ADAMTS13: variants seen among roughly 807,000 people sequenced by gnomAD.
The protein encoded by ADAMTS13 is A disintegrin and metalloproteinase with thrombospondin motifs 13.
A neutral mutation model predicts 155.1 loss-of-function variants in ADAMTS13; 110 were observed. The ratio of observed to expected loss-of-function variants is 0.71; its 90% confidence interval spans 0.61 to 0.83. ADAMTS13 has a LOEUF of 0.83. Ranked by LOEUF, ADAMTS13 falls within the 40% of genes least tolerant of loss-of-function variation. The pLI, the probability that ADAMTS13 is intolerant of heterozygous loss-of-function variation, is 0.00. For missense variants in ADAMTS13, 1,707 were observed against 1,891.7 expected, an observed-to-expected ratio of 0.90 and a Z score of 1.81; for synonymous variants, 758 against 756.4, an observed-to-expected ratio of 1.00 and a Z score of -0.03.
At chr9:133,433,773 AT>A in intron 11 of ADAMTS13, 69 bp downstream of exon 11, 1 of 1,568,656 alleles carries the variant, frequency 6.4e-7, no homozygotes, top group Non-Finnish European at 8.7e-7. Flanking sequence ...CAAAGTGACC[AT>A]CTGTGGTTCA....
At chr9:133,444,592 C>T (rs1354025913) in intron 19 of ADAMTS13, among the ~76,000 whole-genome samples, 1 of 152,216 alleles carries the variant, frequency 6.6e-6, no homozygotes, top group Non-Finnish European at 1.5e-5. Context: ...CGTGCCTGGC[C>T]AGGGATAGGT....
At chr9:133,419,155 T>G (rs1839841595), upstream of ADAMTS13, among the ~76,000 whole-genome samples, 1 of 152,046 alleles carries the variant, frequency 6.6e-6, no homozygotes, top group Non-Finnish European at 1.5e-5. Flanking sequence ...TGGGTAGATT[T>G]GATGTGCGTG....
chr9:133,421,127 G>A (rs36218235), upstream of ADAMTS13, among the ~76,000 whole-genome samples: 2,306 of 152,314 alleles, frequency 0.015, 41 homozygotes, highest in African/African-American at 0.044. Flanking sequence ...CTAGCCAGGC[G>A]TGATGGCGGG....
rs1554784862 is a variant in ADAMTS13, at chr9:133,424,998, AG to A, written c.330+523del. Reference sequence around the variant, plus strand: ...ACTTGAAAGCTGGGGAAGGGCGGGCAGGGAAGCACTCCCCCACTAGCCGCCG... The same window carrying A: ...ACTTGAAAGCTGGGGAAGGGCGGGCAGGAAGCACTCCCCCACTAGCCGCCG... On this transcript the variant is annotated intron_variant, in intron 3 of 28. Transcript: ENST00000355699. The surrounding 1 kb of genome is among the most constrained non-coding windows in gnomAD (Gnocchi z 4.3). Among the ~76,000 whole-genome samples the A allele has an allele frequency of 6.6e-6, 1 of 152,188 alleles. No homozygotes were observed. Among genetic ancestry groups the A allele is most frequent in the African/African-American group, 2.4e-5 (1 of 41,452 alleles).
At chr9:133,451,619 C>T (rs1413614133) in intron 23 of ADAMTS13, among the ~76,000 whole-genome samples, 4 of 152,124 alleles carry the variant, frequency 2.6e-5, no homozygotes, top group Admixed American at 6.6e-5. Flanking sequence ...TTAGGCTGGT[C>T]ATGGCTCACG....
Position 133,454,769 on chromosome 9 carries a change from A to G in ADAMTS13, c.3249+150A>G, listed in dbSNP as rs1190510907. 6 of 1,036,432 alleles carry G rather than the reference A, an allele frequency of 5.8e-6. No individual in the cohort carries two copies. In the East Asian group the frequency reaches 1.6e-4, roughly 27 times the overall value. The allele number at this position is 1,036,432 out of a possible 1,614,324, so 64.2% of individuals were successfully genotyped here. On this transcript the variant is annotated intron_variant, in intron 24 of 28. Transcript: ENST00000355699. The stretch of plus-strand genomic sequence containing the variant: ...CGCCCGTTGGTGAGGGGGCACCTAG[A>G]GGCAGAGAGACAGAGGGCCTAGAGA...
At chr9:133,430,202 G>C in intron 8 of ADAMTS13, 101 bp downstream of exon 8, 1 of 1,479,062 alleles carries the variant, frequency 6.8e-7, no homozygotes, top group Non-Finnish European at 9.1e-7. Flanking sequence ...GCTGGGTGCC[G>C]TGCTAGGCTG....
At position 133,442,452 on chromosome 9, in the gene ADAMTS13, C is replaced by T. The variant is rs782144746; in HGVS notation, c.2022C>T (p.Thr674=). ...EYGNLTRPDI[T]FTYFQPKPRQ... ...GCAACCTCACCCGCCCAGACATCAC[C>T]TTCACCTACTTCCAGCCTAAGCCAC... Residue 674 remains threonine, a synonymous_variant, in exon 17 of 29, where the codon ACC becomes ACT. Transcript: ENST00000355699. 12 of 1,613,816 alleles carry T rather than the reference C, an allele frequency of 7.4e-6. 1 individual carries two copies. The Admixed American group carries it at 1.8e-4, about 25-fold the overall frequency.
At chr9:133,436,785 C>T in intron 11 of ADAMTS13, 44 bp from the exon 12 acceptor site, 1 of 504,274 alleles carries the variant, frequency 2.0e-6, no homozygotes, top group Non-Finnish European at 3.8e-6. Context: ...AACACCCGCC[C>T]CCCGCCCCAC....
chr9:133,456,818 G>A lies in ADAMTS13; in HGVS notation c.3724+99G>A, dbSNP rs1475658921. ...ATGGGGCCAGTCCCAGTGGGGCAGT[G>A]GGAAGATACGGAGGGAACTGACTGA... On this transcript the variant is annotated intron_variant, in intron 27 of 28. Transcript: ENST00000355699. The surrounding 1 kb of genome is among the most constrained non-coding windows in gnomAD (Gnocchi z 4.4). The A allele has an allele frequency of 7.0e-7, 1 of 1,421,334 alleles. No homozygotes were observed. The highest frequency in any genetic ancestry group is 9.6e-7 in the Non-Finnish European group (1 of 1,036,732). The allele number at this position is 1,421,334 out of a possible 1,614,324, so 88.0% of individuals were successfully genotyped here. A position where few individuals can be genotyped will look rare whatever the true frequency, so the allele number is the denominator to read the frequency against.
intron 6 of ADAMTS13, among the ~76,000 whole-genome samples, chr9:133,427,680 T>C (rs1022828938): frequency 6.6e-6 from 1 of 152,198 alleles, no homozygotes; most frequent in Admixed American, 6.5e-5. Context: ...CTTTGATTGA[T>C]GTGGCAGTGG....
intron 23 of ADAMTS13, 94 bp from the exon 24 acceptor site, chr9:133,454,321 C>A: frequency 6.9e-7 from 1 of 1,454,018 alleles, no homozygotes; most frequent in African/African-American, 1.4e-5. Flanking sequence ...GTCTAGGCAA[C>A]TGTCCGAGTA....
At position 133,424,407 on chromosome 9, in the gene ADAMTS13, GC is replaced by G; in HGVS notation, c.261del (p.Val88TrpfsTer42). ...GGILHLELLV[A>X]VGPDVFQAHQ... The stretch of plus-strand genomic sequence containing the variant: ...CATCCTACACCTGGAGCTGCTGGTG[GC>G]CGTGGGCCCCGATGTCTTCCAGGCT... On this transcript the variant is annotated frameshift_variant, in exon 3 of 29. Transcript: ENST00000355699. LOFTEE classifies it high-confidence loss of function. This position sits in a 1 kb window ranked among gnomAD's most constrained non-coding sequence, Gnocchi z 4.3. 1 of 1,613,774 alleles carries G rather than the reference GC, an allele frequency of 6.2e-7. No homozygotes were observed. Among genetic ancestry groups the G allele is most frequent in the Non-Finnish European group, 8.5e-7 (1 of 1,180,004 alleles).
chr9:133,450,489 G>T (rs951149777), intron 23 of ADAMTS13, among the ~76,000 whole-genome samples: 1 of 151,574 alleles, frequency 6.6e-6, no homozygotes, highest in South Asian at 2.1e-4. Context: ...CGCTTGAACC[G>T]GGGAGGCCAA....
At position 133,425,935 on chromosome 9, in the gene ADAMTS13, C is replaced by T; in HGVS notation, c.415-3C>T. Reference sequence around the variant, plus strand: ...AAATGCAGGCTTTGCTGTGGGTCCGCAGGGTGCTCCAAATATCACAGCCAA... The same window carrying T: ...AAATGCAGGCTTTGCTGTGGGTCCGTAGGGTGCTCCAAATATCACAGCCAA... On this transcript the variant is annotated splice_polypyrimidine_tract_variant and splice_region_variant and intron_variant, in intron 4 of 28. Coordinates refer to ENST00000355699, the MANE Select transcript of ADAMTS13 (RefSeq NM_139027.6). This position sits in a 1 kb window ranked among gnomAD's most constrained non-coding sequence, Gnocchi z 4.6. The T allele has an allele frequency of 1.2e-6, 2 of 1,613,478 alleles. No individual in the cohort carries two copies. Among genetic ancestry groups the T allele is most frequent in the South Asian group, 1.1e-5 (1 of 91,086 alleles).
At chr9:133,417,593 C>T, upstream of ADAMTS13, 1 of 1,608,080 alleles carries the variant, frequency 6.2e-7, no homozygotes, top group Non-Finnish European at 8.5e-7. Flanking sequence ...CTGCGCAGCG[C>T]TCCGCCCGGG....
chr9:133,414,472 G>A (rs782118247), exon 1 of ADAMTS13: 12 of 707,776 alleles, frequency 1.7e-5, no homozygotes, highest in South Asian at 5.9e-5. Flanking sequence ...CTCAACGCTC[G>A]GAAGAAGCAG....
In ADAMTS13 at chr9:133,449,865, G is replaced by A. The variant is rs36222275; in HGVS notation, c.2944G>A (p.Gly982Arg). 1.5e-3 allele frequency: 2,363 copies of A among 1,614,086 alleles called. 2 individuals carry two copies. Among genetic ancestry groups the A allele is most frequent in the Non-Finnish European group, 1.8e-3 (2,111 of 1,180,024 alleles). ...RRILYCARAH[G>R]EDDGEEILLD... ...GATCCTGTATTGTGCCCGGGCCCAT[G>A]GGGAGGACGATGGTGAGGAGATCCT... Residue 982 changes from glycine to arginine, a missense_variant, in exon 23 of 29, where the codon GGG (glycine) becomes AGG (arginine). By Grantham distance (125) the Gly-to-Arg change is moderately radical. Around this residue, in one of 3 missense-constraint regions of ADAMTS13, gnomAD observed 961 missense variants for 1,107.9 expected, o/e 0.87. Coordinates refer to ENST00000355699, the MANE Select transcript of ADAMTS13 (RefSeq NM_139027.6).
chr9:133,453,392 T>C (rs1842557056), intron 23 of ADAMTS13, among the ~76,000 whole-genome samples: 1 of 152,064 alleles, frequency 6.6e-6, no homozygotes, highest in South Asian at 2.1e-4. Context: ...GCTGAGATTG[T>C]GCTACTGCAC....
Sources: allele counts gnomAD v4.1 joint callset (sites outside exome capture counted in the v4.1 genomes callset), GRCh38; gene constraint gnomAD v4.1.1; regional missense constraint gnomAD v4.1.1; non-coding constraint Gnocchi (gnomAD v3.1); transcripts MANE v1.5; gene names NCBI Gene and HGNC (gene_info 2026-07-23, HGNC 2026-07-21).